SLC9C2: variants seen among roughly 807,000 people sequenced by gnomAD.
SLC9C2 encodes the protein sodium/hydrogen exchanger 11.
SLC9C2 carries 75 observed loss-of-function variants against 140.2 expected under a neutral mutation model. The observed-to-expected ratio is 0.53, with a 90% CI of 0.44 to 0.65. The LOEUF (loss-of-function observed/expected upper bound fraction) is 0.65, where lower values mean the gene tolerates loss of function less well. Ranked by LOEUF, SLC9C2 falls within the 30% of genes least tolerant of loss-of-function variation. The pLI is 0.00. For missense variants in SLC9C2, 1,074 were observed against 1,331.8 expected, an observed-to-expected ratio of 0.81 and a Z score of 3.01; for synonymous variants, 375 against 420.9, an observed-to-expected ratio of 0.89 and a Z score of 1.34.
At chr1:173,570,365 T>A (rs1397771188) in intron 9 of SLC9C2, among the ~76,000 whole-genome samples, 1 of 152,102 alleles carries the variant, frequency 6.6e-6, no homozygotes, top group Non-Finnish European at 1.5e-5. Flanking sequence ...GAGCCTGAAC[T>A]GGGGGCCTCA....
At position 173,573,301 on chromosome 1, in the gene SLC9C2, T is replaced by G; in HGVS notation, c.927A>C (p.Val309=). 1 of 1,540,304 alleles carries G rather than the reference T, an allele frequency of 6.5e-7. No individual in the cohort carries two copies. The highest frequency in any genetic ancestry group is 8.8e-7 in the Non-Finnish European group (1 of 1,130,684). The part of the protein sequence containing the change: ...ITKFLRIFSS[V]YEHLIYAFFG... Reference sequence around the variant, plus strand: ...AGAAAGCATATATTAAATGTTCATATACAGATGAAAAAATTCTTAAGAACC... The same window carrying G: ...AGAAAGCATATATTAAATGTTCATAGACAGATGAAAAAATTCTTAAGAACC... The change falls in exon 9 of 28, where the codon GTA becomes GTC. Residue 309 remains valine (V), a synonymous_variant. Coordinates refer to ENST00000367714, the MANE Select transcript of SLC9C2 (RefSeq NM_178527.4).
intron 5 of SLC9C2, among the ~76,000 whole-genome samples, chr1:173,587,234 C>T (rs1347426910): frequency 6.6e-6 from 1 of 152,122 alleles, no homozygotes; most frequent in Non-Finnish European, 1.5e-5. Context: ...CAAACCTTAG[C>T]TATTCCAAAT....
At chr1:173,542,852 A>T (rs1311671069) in intron 13 of SLC9C2, among the ~76,000 whole-genome samples, 1 of 152,222 alleles carries the variant, frequency 6.6e-6, no homozygotes, top group Non-Finnish European at 1.5e-5. Context: ...TATTGATGGG[A>T]TGTATCTCAA....
chr1:173,595,148 G>T (rs1381348136), intron 4 of SLC9C2, among the ~76,000 whole-genome samples: 1 of 152,140 alleles, frequency 6.6e-6, no homozygotes, highest in Non-Finnish European at 1.5e-5. Context: ...AAAGTGCTGA[G>T]ATTACAGGCA....
At chr1:173,549,573 G>T (rs6425249) in intron 11 of SLC9C2, among the ~76,000 whole-genome samples, 53,123 of 152,036 alleles carry the variant, frequency 0.35, 11,531 homozygotes, top group East Asian at 0.64. Flanking sequence ...ACTCCCAGTG[G>T]TTAAGATAAT....
chr1:173,550,909 A>AGAGAGAGAGAGAGAGAG (rs1663248912), intron 11 of SLC9C2, among the ~76,000 whole-genome samples: 94 of 130,324 alleles, frequency 7.2e-4, no homozygotes, highest in African/African-American at 2.0e-3. Context: ...AGAGAGAGAG[A>AGAGAGAGAGAGAGAGAG]AGGAAGGGAA....
chr1:173,531,314 A>G (rs907160568), intron 17 of SLC9C2, among the ~76,000 whole-genome samples: 5 of 152,180 alleles, frequency 3.3e-5, no homozygotes, highest in Non-Finnish European at 4.4e-5. Flanking sequence ...CCACACTCTA[A>G]ATGGATTTGG....
chr1:173,587,416 T>G (rs1412662286), intron 5 of SLC9C2, among the ~76,000 whole-genome samples: 1 of 152,162 alleles, frequency 6.6e-6, no homozygotes, highest in Non-Finnish European at 1.5e-5. Context: ...AGAAGGTTAC[T>G]TTTTCTTTGA....
At chr1:173,558,641 C>T (rs1337101296) in intron 9 of SLC9C2, among the ~76,000 whole-genome samples, 1 of 152,178 alleles carries the variant, frequency 6.6e-6, no homozygotes, top group Non-Finnish European at 1.5e-5. Context: ...TAGAATGATG[C>T]TTTGCAGGTG....
intron 11 of SLC9C2, 145 bp downstream of exon 11, chr1:173,554,588 A>G (rs1179128618): frequency 3.2e-6 from 2 of 629,236 alleles, no homozygotes. Flanking sequence ...CAAGTAATAC[A>G]GCATCTAAAT....
At chr1:173,576,079 T>G (rs1665161056) in intron 8 of SLC9C2, among the ~76,000 whole-genome samples, 1 of 152,230 alleles carries the variant, frequency 6.6e-6, no homozygotes, top group Admixed American at 6.5e-5. Flanking sequence ...CGACATTTGT[T>G]TTCATCTGAT....
chr1:173,574,561 G>A (rs1665042030), intron 8 of SLC9C2, among the ~76,000 whole-genome samples: 1 of 146,238 alleles, frequency 6.8e-6, no homozygotes, highest in Non-Finnish European at 1.5e-5. Flanking sequence ...CCAGGCTGGA[G>A]TGCAAGTGGT....
At chr1:173,538,013 G>C (rs1662102020) in intron 13 of SLC9C2, among the ~76,000 whole-genome samples, 1 of 152,158 alleles carries the variant, frequency 6.6e-6, no homozygotes, top group African/African-American at 2.4e-5. Context: ...AAATTTGAGG[G>C]ATGATAGTCA....
chr1:173,554,665 T>G lies in SLC9C2; in HGVS notation c.1297+68A>C. 3.1e-6 allele frequency: 3 copies of G among 976,548 alleles called. No individual in the cohort carries two copies. In the South Asian group the frequency reaches 4.2e-5, roughly 14 times the overall value. The allele number at this position is 976,548 out of a possible 1,614,324, so 60.5% of individuals were successfully genotyped here. A position where few individuals can be genotyped will look rare whatever the true frequency, so the allele number is the denominator to read the frequency against. On this transcript the variant is annotated intron_variant, in intron 11 of 27. Transcript: ENST00000367714. ...TTGAGCTTCATGAGAAATGTCCCCATGACACCCAACAATAACCTGTTTGTA... is the reference window on the plus strand; with the variant it reads ...TTGAGCTTCATGAGAAATGTCCCCAGGACACCCAACAATAACCTGTTTGTA...
intron 21 of SLC9C2, among the ~76,000 whole-genome samples, 176 bp downstream of exon 21, chr1:173,523,793 C>T (rs559566834): frequency 1.3e-5 from 2 of 152,322 alleles, no homozygotes; most frequent in South Asian, 4.1e-4. Flanking sequence ...ACTATCTTTG[C>T]CCTTTAGGCT....
At chr1:173,540,660 T>A (rs958998673) in intron 13 of SLC9C2, among the ~76,000 whole-genome samples, 3 of 152,226 alleles carry the variant, frequency 2.0e-5, no homozygotes, top group African/African-American at 4.8e-5. Flanking sequence ...ACCTCATGAA[T>A]CTGCTAAGAG....
At chr1:173,578,477 G>T (rs575332561) in intron 7 of SLC9C2, among the ~76,000 whole-genome samples, 78 of 152,304 alleles carry the variant, frequency 5.1e-4, no homozygotes, top group African/African-American at 1.8e-3. Context: ...TACTAAGTAT[G>T]AGTAAAGGAC....
At chr1:173,514,353 T>C (rs1330300570) in intron 23 of SLC9C2, among the ~76,000 whole-genome samples, 2 of 152,342 alleles carry the variant, frequency 1.3e-5, no homozygotes, top group East Asian at 1.9e-4. Context: ...CTTGGGTGCA[T>C]ATATATTTAG....
At chr1:173,518,952 G>A (rs1660612987) in intron 22 of SLC9C2, among the ~76,000 whole-genome samples, 1 of 151,958 alleles carries the variant, frequency 6.6e-6, no homozygotes, top group African/African-American at 2.4e-5. Context: ...ACTAATCTAG[G>A]GACTGCAGTG....
Sources: allele counts gnomAD v4.1 joint callset (sites outside exome capture counted in the v4.1 genomes callset), GRCh38; gene constraint gnomAD v4.1.1; transcripts MANE v1.5; gene names NCBI Gene and HGNC (gene_info 2026-07-23, HGNC 2026-07-21).